SH3RF3: variants seen among roughly 807,000 people sequenced by gnomAD.
SH3RF3 encodes E3 ubiquitin-protein ligase SH3RF3.
In SH3RF3, 29 loss-of-function variants were observed where a neutral mutation model predicts 66.3. That is an observed-to-expected ratio of 0.44 (90% CI 0.33 to 0.60). SH3RF3 has a LOEUF of 0.60. Ranked by LOEUF, SH3RF3 falls within the 20% of genes least tolerant of loss-of-function variation. The pLI, the probability that SH3RF3 is intolerant of heterozygous loss-of-function variation, is 0.04. For synonymous variants in SH3RF3, 583 were observed against 532.0 expected, an observed-to-expected ratio of 1.10 and a Z score of -1.32; for missense variants, 1,194 against 1,190.9, an observed-to-expected ratio of 1.00 and a Z score of -0.04.
intron 1 of SH3RF3, among the ~76,000 whole-genome samples, chr2:109,335,206 G>A (rs1039898876): frequency 3.9e-5 from 6 of 152,228 alleles, no homozygotes; most frequent in Admixed American, 6.5e-5. Flanking sequence ...CGAGGCCTAC[G>A]CACCTCAGAG....
At chr2:109,165,518 G>A (rs1270171053) in intron 1 of SH3RF3, among the ~76,000 whole-genome samples, 3 of 152,200 alleles carry the variant, frequency 2.0e-5, no homozygotes, top group Non-Finnish European at 4.4e-5. Context: ...CAGTAGTTGG[G>A]ACCCAGCTAC....
rs565954180 is a variant in SH3RF3 at position 109,227,093 on chromosome 2, G to A, written c.573+96980G>A. Among the ~76,000 whole-genome samples, 10 of 152,242 alleles carry A rather than the reference G, an allele frequency of 6.6e-5. No homozygotes were observed. The South Asian group carries it at 1.9e-3, about 28-fold the overall frequency. On this transcript the variant is annotated intron_variant, in intron 1 of 9. Transcript: ENST00000309415. ...TTAGGGGTCTTTGTCATGTTTCTGG[G>A]GTCTTTGCTGGAACATCTGCAGAAC...
At chr2:109,235,620 G>A (rs542458542) in intron 1 of SH3RF3, among the ~76,000 whole-genome samples, 16 of 152,234 alleles carry the variant, frequency 1.1e-4, no homozygotes, top group Non-Finnish European at 2.1e-4. Flanking sequence ...GCTGTTGTTT[G>A]TTTGTTTTGC....
At position 109,360,551 on chromosome 2, in the gene SH3RF3, A is replaced by G. The variant is rs1389441435; in HGVS notation, c.850-11035A>G. On this transcript the variant is annotated intron_variant, in intron 2 of 9. Transcript: ENST00000309415. Reference sequence around the variant, plus strand: ...CCAAGATATCTCATTATGTATATGCAAATATTCCAAAATCTGAAAACATCT... The same window carrying G: ...CCAAGATATCTCATTATGTATATGCGAATATTCCAAAATCTGAAAACATCT... 2.0e-5 allele frequency among the ~76,000 whole-genome samples: 3 copies of G among 152,382 alleles called. 1 individual carries two copies. The South Asian group carries it at 6.2e-4, about 32-fold the overall frequency.
In SH3RF3 at chr2:109,349,620, A is replaced by C. The variant is rs116725773; in HGVS notation, c.849+1671A>C. ...GCCTTGCTAAGGAGACAGACCCCAT[A>C]ATGGCTCTAGGCTTCTCCAGGCTTG... On this transcript the variant is annotated intron_variant, in intron 2 of 9. Transcript: ENST00000309415. Among the ~76,000 whole-genome samples the C allele has an allele frequency of 8.1e-3, 1,231 of 152,270 alleles. 15 individuals are homozygous for C. Among genetic ancestry groups the C allele is most frequent in the African/African-American group, 0.028 (1,182 of 41,556 alleles).
chr2:109,435,873 T>C (rs946448218), intron 6 of SH3RF3, among the ~76,000 whole-genome samples: 1 of 152,250 alleles, frequency 6.6e-6, no homozygotes, highest in Admixed American at 6.5e-5. Context: ...GCTTGATTGC[T>C]GGGTGAAGTT....
At chr2:109,481,839 C>A (rs747411254) in intron 8 of SH3RF3, among the ~76,000 whole-genome samples, 2 of 152,122 alleles carry the variant, frequency 1.3e-5, no homozygotes, top group African/African-American at 2.4e-5. Context: ...GGGCAAGGTG[C>A]CTGCCCAGGT....
intron 2 of SH3RF3, among the ~76,000 whole-genome samples, chr2:109,356,418 T>A (rs1473787813): frequency 6.6e-6 from 1 of 152,182 alleles, no homozygotes; most frequent in Non-Finnish European, 1.5e-5. Context: ...CATGGCAGGG[T>A]CCACTGCTCA....
At chr2:109,136,082 C>T (rs1676808366) in intron 1 of SH3RF3, among the ~76,000 whole-genome samples, 2 of 152,158 alleles carry the variant, frequency 1.3e-5, no homozygotes, top group South Asian at 4.1e-4. Context: ...TTGTTTCTTC[C>T]TCCTGGCTTT....
chr2:109,294,049 C>T (rs937777601), intron 1 of SH3RF3, among the ~76,000 whole-genome samples: 2 of 152,178 alleles, frequency 1.3e-5, no homozygotes, highest in East Asian at 1.9e-4. Context: ...TTTTCTCTGC[C>T]TGGAAAGTGA....
At chr2:109,272,201 T>A (rs1489919549) in intron 1 of SH3RF3, among the ~76,000 whole-genome samples, 1 of 152,226 alleles carries the variant, frequency 6.6e-6, no homozygotes, top group Non-Finnish European at 1.5e-5. Context: ...CCCTCTGCAA[T>A]GACTGTCTGA....
chr2:109,317,404 CT>C (rs1442775329), intron 1 of SH3RF3, among the ~76,000 whole-genome samples: 2 of 152,106 alleles, frequency 1.3e-5, no homozygotes, highest in African/African-American at 4.8e-5. Flanking sequence ...CTCTTTTTCC[CT>C]GTTAGCGCTC....
intron 1 of SH3RF3, among the ~76,000 whole-genome samples, chr2:109,230,614 C>G (rs1334778445): frequency 6.6e-6 from 1 of 152,076 alleles, no homozygotes; most frequent in Non-Finnish European, 1.5e-5. Context: ...AACTGTAACC[C>G]CATTGTAAGT....
At chr2:109,138,229 G>A (rs1052178745) in intron 1 of SH3RF3, among the ~76,000 whole-genome samples, 12 of 152,094 alleles carry the variant, frequency 7.9e-5, no homozygotes, top group South Asian at 6.2e-4. Flanking sequence ...GGGTTTCACC[G>A]TATTGGCCAG....
chr2:109,179,684 C>T (rs1359178167), intron 1 of SH3RF3, among the ~76,000 whole-genome samples: 1 of 152,106 alleles, frequency 6.6e-6, no homozygotes, highest in Non-Finnish European at 1.5e-5. Context: ...TCTTCTAAAG[C>T]CACAAGTCCC....
At chr2:109,376,426 C>T (rs1324450905) in intron 3 of SH3RF3, among the ~76,000 whole-genome samples, 1 of 152,224 alleles carries the variant, frequency 6.6e-6, no homozygotes, top group Non-Finnish European at 1.5e-5. Flanking sequence ...TCACACAGAG[C>T]CTGGGTGGGT....
Position 109,437,080 on chromosome 2 carries a change from A to G in SH3RF3, c.1762A>G (p.Thr588Ala), listed in dbSNP as rs1263641664. 8 of 1,613,600 alleles carry G rather than the reference A, an allele frequency of 5.0e-6. No homozygotes were observed. Among genetic ancestry groups the G allele is most frequent in the East Asian group, 2.2e-5 (1 of 44,864 alleles). ...CCAGCACCCCACAGCCTCGCCCCCA[A>G]CAGGCAGCTGTCTACGGCACTCAGC... ...HAQHPTASPP[T>A]GSCLRHSAQP... Residue 588 changes from threonine (T) to alanine (A), a missense_variant, in exon 7 of 10, where the codon ACA becomes GCA. Transcript: ENST00000309415.
At chr2:109,190,297 C>T (rs1678315097) in intron 1 of SH3RF3, among the ~76,000 whole-genome samples, 1 of 152,212 alleles carries the variant, frequency 6.6e-6, no homozygotes, top group Admixed American at 6.5e-5. Flanking sequence ...CCTCAACCTC[C>T]TGAGTAGCTG....
intron 8 of SH3RF3, among the ~76,000 whole-genome samples, chr2:109,484,367 A>G (rs1201203813): frequency 1.3e-5 from 2 of 152,022 alleles, no homozygotes; most frequent in African/African-American, 4.8e-5. Context: ...CTGCCTGGTC[A>G]TCCCACTGCC....
Sources: allele counts gnomAD v4.1 joint callset (sites outside exome capture counted in the v4.1 genomes callset), GRCh38; gene constraint gnomAD v4.1.1; transcripts MANE v1.5; gene names NCBI Gene and HGNC (gene_info 2026-07-23, HGNC 2026-07-21).